SLC43A2: variants seen among roughly 807,000 people sequenced by gnomAD.
The protein encoded by SLC43A2 is solute carrier family 43 member 2, also known as large neutral amino acids transporter small subunit 4.
In SLC43A2, 38 loss-of-function variants were observed where a neutral mutation model predicts 63.2. That is an observed-to-expected ratio of 0.60 (90% CI 0.46 to 0.79). The LOEUF (loss-of-function observed/expected upper bound fraction) is 0.79, where lower values mean the gene tolerates loss of function less well. Among genes scored for constraint, SLC43A2 ranks in the 30% least tolerant of loss-of-function variants. The probability of loss-of-function intolerance (pLI) is 0.00; values close to 1 mark genes in which losing one functional copy is unlikely to be tolerated. For missense variants in SLC43A2, 644 were observed against 756.2 expected, an observed-to-expected ratio of 0.85 and a Z score of 1.74; for synonymous variants, 322 against 331.0, an observed-to-expected ratio of 0.97 and a Z score of 0.30.
chr17:1,573,538 T>C lies in SLC43A2; in HGVS notation c.*2066A>G, dbSNP rs1439838089. On this transcript the variant is annotated 3_prime_UTR_variant, in exon 14 of 14. Coordinates refer to ENST00000301335, the MANE Select transcript of SLC43A2 (RefSeq NM_152346.3). ...TAACTCAGCCTTTCCCAAACTTGAC[T>C]ATAATACTTTCTTGAAAATCAGAAT... is the stretch of plus-strand genomic sequence containing the variant. 1 of 152,232 alleles carries C rather than the reference T, an allele frequency of 6.6e-6. No individual in the cohort carries two copies. Among genetic ancestry groups the C allele is most frequent in the Non-Finnish European group, 1.5e-5 (1 of 68,052 alleles). The allele number at this position is 152,232 out of a possible 1,614,324, so 9.4% of individuals were successfully genotyped here.
intron 5 of SLC43A2, chr17:1,604,686 T>G: frequency 6.6e-7 from 1 of 1,522,578 alleles, no homozygotes; most frequent in East Asian, 2.5e-5. Flanking sequence ...CAACTAGAGA[T>G]GGCTTACATT....
intron 2 of SLC43A2, 108 bp from the exon 3 acceptor site, chr17:1,616,877 T>C: frequency 7.6e-7 from 1 of 1,316,420 alleles, no homozygotes; most frequent in Non-Finnish European, 1.0e-6. Context: ...ATGCCAGGGC[T>C]GGCTGGCGGC....
chr17:1,598,082 G>A (rs1271830795), intron 5 of SLC43A2, among the ~76,000 whole-genome samples: 1 of 152,208 alleles, frequency 6.6e-6, no homozygotes, highest in Non-Finnish European at 1.5e-5. Context: ...GCGGAAGGAG[G>A]GAAGTGTTCC....
rs1906630405 is a variant in SLC43A2 at position 1,606,581 on chromosome 17, C to A, written c.501+6614G>T. 6.6e-6 allele frequency among the ~76,000 whole-genome samples: 1 copy of A among 152,216 alleles called. No homozygotes were observed. Among genetic ancestry groups the A allele is most frequent in the Non-Finnish European group, 1.5e-5 (1 of 68,028 alleles). ...ACAGCTGCTCCCATCTCTAAGCAACCCAGGCTCCGGGTTGGAGGGTGGCGA... is the reference window on the plus strand; with the variant it reads ...ACAGCTGCTCCCATCTCTAAGCAACACAGGCTCCGGGTTGGAGGGTGGCGA... On this transcript the variant is annotated intron_variant, in intron 5 of 13. Coordinates refer to ENST00000301335, the MANE Select transcript of SLC43A2 (RefSeq NM_152346.3). The surrounding 1 kb of genome is among the most constrained non-coding windows in gnomAD (Gnocchi z 4.7).
intron 5 of SLC43A2, chr17:1,604,991 T>C: frequency 6.9e-7 from 1 of 1,442,356 alleles, no homozygotes; most frequent in South Asian, 1.4e-5. Context: ...CCTCGAGGGC[T>C]GGCGGAGGGG....
intron 9 of SLC43A2, among the ~76,000 whole-genome samples, chr17:1,589,451 A>T (rs1383101104): frequency 5.9e-5 from 9 of 152,236 alleles, no homozygotes; most frequent in Admixed American, 5.9e-4. Flanking sequence ...CAAAGAATTT[A>T]AAAATTAGCT....
At chr17:1,614,881 C>A in intron 4 of SLC43A2, 98 bp downstream of exon 4, 1 of 1,222,404 alleles carries the variant, frequency 8.2e-7, no homozygotes, top group Non-Finnish European at 1.2e-6. Flanking sequence ...CAGGGAGCAG[C>A]AGGCCCAGGA....
chr17:1,612,198 AAG>A (rs1206338229), intron 5 of SLC43A2, among the ~76,000 whole-genome samples: 2 of 151,996 alleles, frequency 1.3e-5, no homozygotes, highest in Non-Finnish European at 2.9e-5. Context: ...TCCTGACCTC[AAG>A]TGATCCGCCT....
At chr17:1,588,399 C>G (rs1459336328) in intron 9 of SLC43A2, among the ~76,000 whole-genome samples, 3 of 151,470 alleles carry the variant, frequency 2.0e-5, no homozygotes, top group Non-Finnish European at 4.4e-5. Flanking sequence ...AAAAAAAAGA[C>G]TGTATTTTTG....
intron 8 of SLC43A2, 135 bp from the exon 9 acceptor site, chr17:1,591,083 T>A: frequency 8.0e-7 from 1 of 1,244,170 alleles, no homozygotes; most frequent in South Asian, 1.5e-5. Context: ...GGGTTGGCGC[T>A]GCGGTGGGGT....
At chr17:1,614,842 G>A (rs1907446337) in intron 4 of SLC43A2, 137 bp downstream of exon 4, 2 of 815,358 alleles carry the variant, frequency 2.5e-6, no homozygotes, top group Non-Finnish European at 4.1e-6. Context: ...ACTGAGTAGA[G>A]GCGTAACAGG....
intron 4 of SLC43A2, among the ~76,000 whole-genome samples, chr17:1,614,674 A>G (rs959189067): frequency 6.6e-6 from 1 of 152,070 alleles, no homozygotes; most frequent in South Asian, 2.1e-4. Context: ...ACCGATGACC[A>G]TGCCCCTGCA....
intron 4 of SLC43A2, among the ~76,000 whole-genome samples, chr17:1,614,459 G>C (rs1489853980): frequency 6.6e-6 from 1 of 151,900 alleles, no homozygotes; most frequent in East Asian, 2.0e-4. Context: ...AAACAGCAGC[G>C]AGCAGGAGGC....
chr17:1,579,987 C>T (rs181829528), intron 11 of SLC43A2, among the ~76,000 whole-genome samples: 3 of 151,554 alleles, frequency 2.0e-5, no homozygotes, highest in East Asian at 3.9e-4. Flanking sequence ...GGCTGGAATG[C>T]AGTGGCACGG....
intron 2 of SLC43A2, among the ~76,000 whole-genome samples, chr17:1,624,967 A>G (rs1908537383): frequency 6.6e-6 from 1 of 152,122 alleles, no homozygotes; most frequent in Non-Finnish European, 1.5e-5. Flanking sequence ...AGCGGGGGCC[A>G]CTGGACAACA....
rs2075912415 is a variant in SLC43A2 at position 1,575,607 on chromosome 17, C to T, written c.1707G>A (p.Val569=). 1.2e-6 allele frequency: 2 copies of T among 1,614,036 alleles called. No homozygotes were observed. The highest frequency in any genetic ancestry group is 1.7e-6 in the Non-Finnish European group (2 of 1,180,004). The change falls in exon 14 of 14, where the codon GTG becomes GTA. Residue 569 remains valine, a synonymous_variant. Transcript: ENST00000301335. ...INGSSNQEAF[V] is the part of the protein sequence containing the mutation. The stretch of plus-strand genomic sequence containing the variant: ...CGCAGTTCCGAGGCGGCAGCCACTA[C>T]ACGAAGGCCTCCTGGTTGGACGAGC...
intron 2 of SLC43A2, among the ~76,000 whole-genome samples, chr17:1,621,207 GC>G (rs933024937): frequency 1.3e-5 from 2 of 152,112 alleles, no homozygotes; most frequent in African/African-American, 4.8e-5. Flanking sequence ...GGGTGCTGTG[GC>G]CCCCCAGGCT....
chr17:1,627,663 TCCCAAA>T, intron 2 of SLC43A2, 46 bp downstream of exon 2: 5 of 292,898 alleles, frequency 1.7e-5, no homozygotes, highest in Non-Finnish European at 2.5e-5. Context: ...TCCCGCCCCC[TCCCAAA>T]GCCCCAGCTC....
chr17:1,611,820 T>C (rs977150679), intron 5 of SLC43A2, among the ~76,000 whole-genome samples: 1 of 152,218 alleles, frequency 6.6e-6, no homozygotes, highest in African/African-American at 2.4e-5. Context: ...GTTTCCTTGA[T>C]GGACAGAAGC....
Sources: gnomAD v4.1 joint callset for allele counts (sites outside exome capture counted in the v4.1 genomes callset) on GRCh38, gnomAD v4.1.1 for gene constraint, Gnocchi (gnomAD v3.1) non-coding constraint, MANE v1.5 for transcripts, NCBI Gene and HGNC (gene_info 2026-07-23, HGNC 2026-07-21) for gene names.